Variants in ERBB4 observed in about 807,000 individuals in gnomAD.
The protein encoded by ERBB4 is receptor tyrosine-protein kinase erbB-4.
ERBB4 carries 42 observed loss-of-function variants against 158.0 expected under a neutral mutation model. The ratio of observed to expected loss-of-function variants is 0.27; its 90% CI spans 0.21 to 0.34. The LOEUF is 0.34. Ranked by LOEUF, ERBB4 falls within the 10% of genes least tolerant of loss-of-function variation. ERBB4 has a pLI of 1.00. For synonymous variants in ERBB4, 583 were observed against 558.7 expected (o/e 1.04, Z -0.61); for missense variants, 1,333 against 1,624.1 (o/e 0.82, Z 3.08).
At chr2:212,364,323 T>C (rs2089800805) in intron 1 of ERBB4, among the ~76,000 whole-genome samples, 1 of 151,598 alleles carries the variant, frequency 6.6e-6, no homozygotes, top group South Asian at 2.1e-4. Flanking sequence ...AGAACCTGAA[T>C]TTTTTTCTTT....
chr2:212,160,173 C>T (rs185081006), intron 1 of ERBB4, among the ~76,000 whole-genome samples: 4 of 151,980 alleles, frequency 2.6e-5, no homozygotes, highest in Admixed American at 1.3e-4. Context: ...GTTCAACTTA[C>T]GCAGGTAAGA....
At chr2:211,520,636 G>C (rs2066161745) in intron 20 of ERBB4, among the ~76,000 whole-genome samples, 1 of 152,120 alleles carries the variant, frequency 6.6e-6, no homozygotes, top group Non-Finnish European at 1.5e-5. Flanking sequence ...TAGAAAAACA[G>C]AAAGTAATAA....
intron 1 of ERBB4, among the ~76,000 whole-genome samples, chr2:212,260,184 C>G (rs558791029): frequency 1.8e-4 from 28 of 151,866 alleles, no homozygotes; most frequent in African/African-American, 3.1e-4. Context: ...AAAATTTTTA[C>G]TTGTTTTTAA....
intron 19 of ERBB4, among the ~76,000 whole-genome samples, chr2:211,562,981 C>T (rs1004300260): frequency 3.9e-5 from 6 of 151,944 alleles, no homozygotes; most frequent in East Asian, 1.9e-4. Flanking sequence ...CCGTTTTAGC[C>T]GGGATGGTCT....
intron 1 of ERBB4, among the ~76,000 whole-genome samples, chr2:212,502,061 A>G (rs1315820315): frequency 1.3e-5 from 2 of 152,102 alleles, no homozygotes. Context: ...CTGTTAATTA[A>G]TGAAAAGTTG....
intron 1 of ERBB4, among the ~76,000 whole-genome samples, chr2:212,429,899 T>A (rs2091989065): frequency 6.6e-6 from 1 of 152,224 alleles, no homozygotes. Flanking sequence ...ATTAATAGGT[T>A]CTTTTAATTA....
In ERBB4 at chr2:211,942,788, T is replaced by C. The variant is rs191221593; in HGVS notation, c.421+4642A>G. 1.7e-3 allele frequency among the ~76,000 whole-genome samples: 262 copies of C among 152,218 alleles called. 6 individuals carry two copies. The highest frequency in any genetic ancestry group is 6.5e-4 in the Non-Finnish European group (44 of 68,010). Reference sequence around the variant, plus strand: ...TCAGCTAATTTTTGGAAAACACCAGTTGTATTTCTGTATCATCCCAAATAT... The same window carrying C: ...TCAGCTAATTTTTGGAAAACACCAGCTGTATTTCTGTATCATCCCAAATAT... On this transcript the variant is annotated intron_variant, in intron 3 of 27. Transcript: ENST00000342788.
intron 1 of ERBB4, among the ~76,000 whole-genome samples, chr2:212,537,482 G>C (rs114257763): frequency 8.1e-4 from 123 of 152,190 alleles, no homozygotes; most frequent in Non-Finnish European, 1.5e-3. Flanking sequence ...CCGCCGCGCT[G>C]CCTCTCGGGG....
rs1183456260 is a variant in ERBB4, at chr2:212,446,684, G to A, written c.82+91765C>T. On this transcript the variant is annotated intron_variant, in intron 1 of 27. Transcript: ENST00000342788. ...AGAGAACCCTGACTAATACACCAGG[G>A]TATGTGAAAACTTAGCATAGCCTTT... 9.5e-5 allele frequency among the ~76,000 whole-genome samples: 12 copies of A among 125,906 alleles called. No individual in the cohort carries two copies. The Admixed American group carries it at 1.1e-3, about 11-fold the overall frequency. 82.6% of individuals were successfully genotyped at this position (125,906 alleles called of 152,430 possible). A position where few individuals can be genotyped will look rare whatever the true frequency, so the allele number is the denominator to read the frequency against.
At chr2:212,307,469 G>T (rs1053788254) in intron 1 of ERBB4, among the ~76,000 whole-genome samples, 5 of 150,800 alleles carry the variant, frequency 3.3e-5, no homozygotes, top group African/African-American at 1.2e-4. Flanking sequence ...GTTATAAAAA[G>T]TATGCAGAAA....
At chr2:211,953,594 T>A (rs1575428774) in intron 2 of ERBB4, among the ~76,000 whole-genome samples, 1 of 151,808 alleles carries the variant, frequency 6.6e-6, no homozygotes, top group African/African-American at 2.4e-5. Flanking sequence ...AGAGTGAATA[T>A]GCTCCTAAAG....
chr2:212,278,965 G>T (rs2085648059), intron 1 of ERBB4, among the ~76,000 whole-genome samples: 1 of 151,440 alleles, frequency 6.6e-6, no homozygotes, highest in Admixed American at 6.6e-5. Context: ...GTTTTGGATG[G>T]TTTCCTTTGC....
intron 1 of ERBB4, among the ~76,000 whole-genome samples, chr2:212,250,070 C>A (rs962474586): frequency 3.3e-5 from 5 of 151,978 alleles, no homozygotes; most frequent in African/African-American, 9.7e-5. Flanking sequence ...TCTGTTCATA[C>A]AATAACTAAT....
At chr2:211,679,250 G>A (rs2072237925) in intron 12 of ERBB4, 66 bp from the exon 13 acceptor site, 1 of 1,565,776 alleles carries the variant, frequency 6.4e-7, no homozygotes, top group African/African-American at 1.4e-5. Flanking sequence ...AATCTTCCTA[G>A]GTAATGCTAT....
chr2:211,717,242 T>C (rs2073948284), intron 7 of ERBB4, among the ~76,000 whole-genome samples: 1 of 152,224 alleles, frequency 6.6e-6, no homozygotes, highest in Non-Finnish European at 1.5e-5. Context: ...AGCCCCATCC[T>C]GCAATACTGC....
chr2:211,565,069 T>A (rs192914371), intron 19 of ERBB4, among the ~76,000 whole-genome samples: 7 of 152,248 alleles, frequency 4.6e-5, no homozygotes, highest in Non-Finnish European at 8.8e-5. Context: ...GAGAGATTGC[T>A]CAATAGGTAC....
At chr2:211,910,592 G>A (rs1356463852) in intron 3 of ERBB4, among the ~76,000 whole-genome samples, 1 of 151,910 alleles carries the variant, frequency 6.6e-6, no homozygotes, top group Non-Finnish European at 1.5e-5. Context: ...AGGGTGGGAA[G>A]ATGGAGAGGG....
intron 1 of ERBB4, among the ~76,000 whole-genome samples, chr2:212,267,250 AAG>A (rs1222325951): frequency 6.6e-6 from 1 of 152,018 alleles, no homozygotes; most frequent in African/African-American, 2.4e-5. Flanking sequence ...AACATGGGAA[AAG>A]AGAATTATCA....
At chr2:211,869,408 T>C (rs1296054395) in intron 3 of ERBB4, among the ~76,000 whole-genome samples, 1 of 152,232 alleles carries the variant, frequency 6.6e-6, no homozygotes, top group Admixed American at 6.5e-5. Flanking sequence ...TGTAATTTCA[T>C]CTAACATGAT....
Sources: allele counts gnomAD v4.1 joint callset (sites outside exome capture counted in the v4.1 genomes callset), GRCh38; gene constraint gnomAD v4.1.1; transcripts MANE v1.5; gene names NCBI Gene and HGNC (gene_info 2026-07-23, HGNC 2026-07-21).